The following CEP192 variants were observed in gnomAD, a reference collection of about 807,000 sequenced individuals.
CEP192 encodes the protein centrosomal protein of 192 kDa.
In CEP192, 151 loss-of-function variants were observed where a neutral mutation model predicts 271.8. The observed-to-expected ratio is 0.56, with a 90% CI of 0.49 to 0.64. CEP192 has a LOEUF of 0.64. CEP192 is among the 30% of genes least tolerant of loss of function. The pLI, the probability that CEP192 is intolerant of heterozygous loss-of-function variation, is 0.00. For synonymous variants in CEP192, 995 were observed against 1,076.5 expected, an observed-to-expected ratio of 0.92 and a Z score of 1.48; for missense variants, 2,910 against 3,020.5, an observed-to-expected ratio of 0.96 and a Z score of 0.86.
intron 34 of CEP192, among the ~76,000 whole-genome samples, chr18:13,094,025 G>A (rs958101311): frequency 1.3e-5 from 2 of 152,198 alleles, no homozygotes; most frequent in African/African-American, 4.8e-5. Flanking sequence ...GTCCAGGCCA[G>A]TTACTTTGTA....
Position 13,053,032 on chromosome 18 carries a change from C to G in CEP192, c.3131C>G (p.Ser1044Cys). Residue 1044 changes from serine to cysteine, a missense_variant, in exon 18 of 45, where the codon TCT (serine) becomes TGT (cysteine). Coordinates refer to ENST00000506447, the MANE Select transcript of CEP192 (RefSeq NM_032142.4). ...GGGGTGAGCAGGCTGACGTATGTGT[C>G]TGAACCAGAGAGCTCCTATCCTACC... Reference protein sequence around the residue: ...PAGVSRLTYVSEPESSYPTTA... With the variant: ...PAGVSRLTYVCEPESSYPTTA... 1 of 1,613,908 alleles carries G rather than the reference C, an allele frequency of 6.2e-7. No individual in the cohort carries two copies. Among genetic ancestry groups the G allele is most frequent in the Non-Finnish European group, 8.5e-7 (1 of 1,179,882 alleles).
chr18:13,021,875 G>A (rs2035016511), intron 9 of CEP192, among the ~76,000 whole-genome samples: 1 of 152,150 alleles, frequency 6.6e-6, no homozygotes, highest in Non-Finnish European at 1.5e-5. Flanking sequence ...ATTGTAAATG[G>A]AATTGCTTTC....
At chr18:13,123,898 G>A (rs927976313) in intron 44 of CEP192, among the ~76,000 whole-genome samples, 4 of 152,184 alleles carry the variant, frequency 2.6e-5, no homozygotes, top group Admixed American at 1.3e-4. Context: ...GGTGGCTCAT[G>A]CCTGTAATCC....
At chr18:13,039,726 G>T (rs1011401013) in intron 13 of CEP192, among the ~76,000 whole-genome samples, 10 of 152,154 alleles carry the variant, frequency 6.6e-5, no homozygotes, top group Non-Finnish European at 1.3e-4. Context: ...GTGCTTAGAG[G>T]CACAGGGCAA....
At chr18:13,061,359 A>G (rs141236946) in intron 21 of CEP192, among the ~76,000 whole-genome samples, 2 of 152,328 alleles carry the variant, frequency 1.3e-5, no homozygotes, top group Non-Finnish European at 2.9e-5. Flanking sequence ...TCATTCCACA[A>G]AGCTGTAACT....
Position 13,052,833 on chromosome 18 carries a change from T to C in CEP192, c.3018-86T>C. 1.4e-5 allele frequency: 14 copies of C among 999,068 alleles called. No individual in the cohort carries two copies. The South Asian group carries it at 3.1e-4, about 22-fold the overall frequency. 61.9% of individuals were successfully genotyped at this position (999,068 alleles called of 1,614,324 possible). On this transcript the variant is annotated intron_variant, in intron 17 of 44. Coordinates refer to ENST00000506447, the MANE Select transcript of CEP192 (RefSeq NM_032142.4). ...ATTTGTGGTTGAGTCATTTGCAAGA[T>C]TGTAGGCCCATAGGAATGGTTTTTT...
intron 21 of CEP192, among the ~76,000 whole-genome samples, chr18:13,062,071 A>G (rs1598482949): frequency 2.6e-5 from 4 of 152,200 alleles, no homozygotes; most frequent in Non-Finnish European, 5.9e-5. Flanking sequence ...GTTTGGTAGT[A>G]GAAGGCAGTG....
chr18:13,036,887 A>T (rs577629654), intron 11 of CEP192, among the ~76,000 whole-genome samples: 17 of 152,340 alleles, frequency 1.1e-4, no homozygotes, highest in African/African-American at 3.4e-4. Flanking sequence ...TATCAGTCTG[A>T]TGACTCCTGA....
intron 22 of CEP192, 50 bp from the exon 23 acceptor site, chr18:13,068,044 T>G (rs1232191005): frequency 6.2e-7 from 1 of 1,604,120 alleles, no homozygotes. Flanking sequence ...TTAGCAAACT[T>G]AGCATTACAC....
chr18:13,102,316 A>T (rs935584513), intron 38 of CEP192, among the ~76,000 whole-genome samples: 1 of 150,204 alleles, frequency 6.7e-6, no homozygotes, highest in Non-Finnish European at 1.5e-5. Flanking sequence ...AGGCCTGTCC[A>T]TTCTCGCCTC....
intron 9 of CEP192, among the ~76,000 whole-genome samples, chr18:13,024,678 G>T (rs557480357): frequency 3.0e-4 from 46 of 152,162 alleles, no homozygotes; most frequent in Non-Finnish European, 2.9e-5. Flanking sequence ...GGCCAGGATG[G>T]TCTTGATCTC....
chr18:13,042,400 C>A (rs998243248), intron 15 of CEP192, 66 bp downstream of exon 15: 2 of 1,507,790 alleles, frequency 1.3e-6, no homozygotes, highest in Non-Finnish European at 1.8e-6. Context: ...AGGATCAAGA[C>A]GAGATCACCT....
intron 11 of CEP192, among the ~76,000 whole-genome samples, chr18:13,031,722 C>T (rs1458336885): frequency 6.6e-6 from 1 of 152,160 alleles, no homozygotes; most frequent in Non-Finnish European, 1.5e-5. Context: ...GAATGCAGTA[C>T]ACAGTCATCG....
intron 7 of CEP192, 110 bp from the exon 8 acceptor site, chr18:13,018,370 A>G: frequency 1.6e-6 from 1 of 627,800 alleles, no homozygotes. Context: ...GATTTTTCTA[A>G]TTCCTTCTAC....
At chr18:13,045,788 A>G (rs1212196092) in intron 15 of CEP192, among the ~76,000 whole-genome samples, 2 of 152,220 alleles carry the variant, frequency 1.3e-5, no homozygotes, top group Non-Finnish European at 2.9e-5. Flanking sequence ...CAAATCCTTT[A>G]TTGAGCATGT....
At chr18:12,996,605 T>C (rs1386314465) in intron 1 of CEP192, among the ~76,000 whole-genome samples, 1 of 152,038 alleles carries the variant, frequency 6.6e-6, no homozygotes, top group Non-Finnish European at 1.5e-5. Flanking sequence ...AAGTTGAAGA[T>C]CAAGCCCTGG....
At chr18:12,998,309 C>G (rs551834155) in intron 1 of CEP192, among the ~76,000 whole-genome samples, 1 of 152,278 alleles carries the variant, frequency 6.6e-6, no homozygotes, top group South Asian at 2.1e-4. Context: ...GTTATTCTAG[C>G]TTCGTTTACT....
At chr18:13,109,641 G>A (rs1341342460) in intron 40 of CEP192, among the ~76,000 whole-genome samples, 1 of 151,912 alleles carries the variant, frequency 6.6e-6, no homozygotes, top group Non-Finnish European at 1.5e-5. Context: ...AAATTAATGA[G>A]CTAAGCAGTC....
At position 13,092,524 on chromosome 18, in the gene CEP192, C is replaced by T. The variant is rs749328041; in HGVS notation, c.6251C>T (p.Thr2084Ile). The change falls in exon 34 of 45, where the codon ACA becomes ATA. Residue 2084 changes from threonine to isoleucine, a missense_variant. Physicochemically the swap from Thr to Ile is moderately conservative, Grantham distance 89 (BLOSUM62 -1). Transcript: ENST00000506447. ...QPSSKASLES[T>I]SDLGASGKHG... ...TCTTCCAAAGCTAGCTTGGAATCTA[C>T]AAGGTAAAATAAATGAACAGAAATC... 1 of 1,598,136 alleles carries T rather than the reference C, an allele frequency of 6.3e-7. No individual in the cohort carries two copies. Among genetic ancestry groups the T allele is most frequent in the East Asian group, 2.3e-5 (1 of 43,940 alleles).
Sources: allele counts gnomAD v4.1 joint callset (sites outside exome capture counted in the v4.1 genomes callset), GRCh38; gene constraint gnomAD v4.1.1; transcripts MANE v1.5; gene names NCBI Gene and HGNC (gene_info 2026-07-23, HGNC 2026-07-21).